The following FGGY variants were observed in gnomAD, a reference collection of about 807,000 sequenced individuals.
FGGY encodes FGGY carbohydrate kinase domain-containing protein.
FGGY carries 72 observed loss-of-function variants against 71.3 expected under a neutral mutation model. The ratio of observed to expected loss-of-function variants is 1.01; its 90% CI spans 0.84 to 1.23. The LOEUF (loss-of-function observed/expected upper bound fraction) is 1.23. Ranked by LOEUF, FGGY falls within the 50% of genes most tolerant of loss-of-function variation. The probability of loss-of-function intolerance (pLI) is 0.00; values close to 1 mark genes in which losing one functional copy is unlikely to be tolerated. For synonymous variants in FGGY, 251 were observed against 250.3 expected (o/e 1.00, Z -0.02); for missense variants, 668 against 682.3 (o/e 0.98, Z 0.23).
chr1:59,404,193 A>C (rs1158054598), intron 5 of FGGY, among the ~76,000 whole-genome samples: 1 of 151,922 alleles, frequency 6.6e-6, no homozygotes, highest in African/African-American at 2.4e-5. Context: ...AACAACACAC[A>C]CTGGAGCCTG....
intron 14 of FGGY, among the ~76,000 whole-genome samples, chr1:59,707,159 G>T (rs2097762718): frequency 6.6e-6 from 1 of 152,216 alleles, no homozygotes; most frequent in Admixed American, 6.5e-5. Flanking sequence ...GGATTTATCT[G>T]CAGCAGTGTG....
intron 5 of FGGY, among the ~76,000 whole-genome samples, chr1:59,440,827 A>G (rs2069659289): frequency 6.6e-6 from 1 of 151,574 alleles, no homozygotes; most frequent in African/African-American, 2.4e-5. Flanking sequence ...TACCAAGGTT[A>G]AGAAAGGTGA....
At chr1:59,613,569 A>G (rs984343497) in intron 9 of FGGY, among the ~76,000 whole-genome samples, 1 of 152,206 alleles carries the variant, frequency 6.6e-6, no homozygotes, top group African/African-American at 2.4e-5. Flanking sequence ...TTGACACCCT[A>G]ACATCACAAT....
chr1:59,705,845 T>C (rs2097754152), intron 14 of FGGY, among the ~76,000 whole-genome samples: 1 of 152,252 alleles, frequency 6.6e-6, no homozygotes. Flanking sequence ...TTTTTTCCCC[T>C]GGACCTTTGA....
At chr1:59,496,162 G>A (rs919973410) in intron 6 of FGGY, among the ~76,000 whole-genome samples, 1 of 152,058 alleles carries the variant, frequency 6.6e-6, no homozygotes, top group Non-Finnish European at 1.5e-5. Flanking sequence ...ATTTCTTTCA[G>A]CAGTGTTTTG....
At chr1:59,373,432 C>A (rs571941619) in intron 4 of FGGY, among the ~76,000 whole-genome samples, 1 of 152,242 alleles carries the variant, frequency 6.6e-6, no homozygotes, top group African/African-American at 2.4e-5. Context: ...GAAGAACATT[C>A]CATGCTCATG....
intron 4 of FGGY, among the ~76,000 whole-genome samples, chr1:59,368,727 G>A (rs1034611967): frequency 2.0e-5 from 3 of 152,220 alleles, no homozygotes; most frequent in African/African-American, 7.2e-5. Context: ...ATCCATCTAT[G>A]GGGGTAATGT....
At chr1:59,549,000 A>G (rs1056195726) in intron 7 of FGGY, among the ~76,000 whole-genome samples, 3 of 152,244 alleles carry the variant, frequency 2.0e-5, no homozygotes, top group Non-Finnish European at 2.9e-5. Context: ...GCACTGTGCC[A>G]TAATACTAAC....
chr1:59,534,941 A>C (rs1467290993), intron 7 of FGGY, among the ~76,000 whole-genome samples: 2 of 152,146 alleles, frequency 1.3e-5, no homozygotes, highest in Non-Finnish European at 2.9e-5. Context: ...CAAAATCACC[A>C]GCTAACATCA....
intron 14 of FGGY, among the ~76,000 whole-genome samples, chr1:59,696,669 A>G (rs2097662374): frequency 6.6e-6 from 1 of 152,154 alleles, no homozygotes. Context: ...TGTGTCCTTC[A>G]TCTCTCTGTC....
At chr1:59,557,639 A>G (rs74961816) in intron 8 of FGGY, among the ~76,000 whole-genome samples, 2,998 of 152,304 alleles carry the variant, frequency 0.02, 92 homozygotes, top group African/African-American at 0.068. Context: ...TTTTAACTCC[A>G]TGAAAGCAGA....
chr1:59,357,710 T>C (rs2054611289), intron 4 of FGGY, among the ~76,000 whole-genome samples: 1 of 152,216 alleles, frequency 6.6e-6, no homozygotes, highest in South Asian at 2.1e-4. Flanking sequence ...TACTGTTTTA[T>C]ATCCCCAGAG....
intron 14 of FGGY, among the ~76,000 whole-genome samples, chr1:59,686,789 G>C (rs1370553006): frequency 2.0e-5 from 3 of 152,052 alleles, no homozygotes; most frequent in Non-Finnish European, 4.4e-5. Context: ...CACTAGATTA[G>C]TCCCTTTACC....
chr1:59,465,174 T>G (rs543172117), intron 6 of FGGY, among the ~76,000 whole-genome samples: 1 of 152,282 alleles, frequency 6.6e-6, no homozygotes, highest in East Asian at 1.9e-4. Flanking sequence ...ATGATCAAGT[T>G]GGTTTCACCC....
chr1:59,612,165 G>A (rs539346415), intron 9 of FGGY, among the ~76,000 whole-genome samples: 208 of 152,216 alleles, frequency 1.4e-3, no homozygotes, highest in African/African-American at 2.2e-3. Flanking sequence ...GATACTCCTC[G>A]AGAAGAGCAA....
chr1:59,323,193 T>C (rs1308425115), intron 2 of FGGY, among the ~76,000 whole-genome samples: 1 of 152,216 alleles, frequency 6.6e-6, no homozygotes, highest in East Asian at 1.9e-4. Flanking sequence ...ACATACAGCC[T>C]TGCTTGCCGT....
chr1:59,360,123 C>CATTATT (rs1317144695), intron 4 of FGGY, among the ~76,000 whole-genome samples: 2 of 101,834 alleles, frequency 2.0e-5, no homozygotes, highest in Non-Finnish European at 4.0e-5. Context: ...ATTTTTCTAT[C>CATTATT]ATTGTTATTA....
chr1:59,727,396 G>A lies in FGGY; in HGVS notation c.1513-30535G>A, dbSNP rs140976915. On this transcript the variant is annotated intron_variant, in intron 14 of 15. Coordinates refer to ENST00000303721, the MANE Select transcript of FGGY (RefSeq NM_018291.5). The stretch of plus-strand genomic sequence containing the variant: ...TTGGTGAAATGATTTCTTTTCCTTT[G>A]GATGTATACCCAGTAATGGGATTGT... 2.3e-3 allele frequency among the ~76,000 whole-genome samples: 343 copies of A among 152,160 alleles called. 3 individuals carry two copies. Among genetic ancestry groups the A allele is most frequent in the Non-Finnish European group, 3.4e-3 (234 of 67,992 alleles).
chr1:59,642,992 G>A (rs1021932319), intron 11 of FGGY, among the ~76,000 whole-genome samples: 1 of 143,256 alleles, frequency 7.0e-6, no homozygotes, highest in African/African-American at 2.6e-5. Context: ...CCAAGATCAC[G>A]CCACTGCACT....
Sources: gnomAD v4.1 joint callset for allele counts (sites outside exome capture counted in the v4.1 genomes callset) on GRCh38, gnomAD v4.1.1 for gene constraint, MANE v1.5 for transcripts, NCBI Gene and HGNC (gene_info 2026-07-23, HGNC 2026-07-21) for gene names.